The following SPEF2 variants were observed in gnomAD, a reference collection of about 807,000 sequenced individuals.
SPEF2 encodes sperm flagellar and cilia associated 2.
SPEF2 carries 187 observed loss-of-function variants against 224.6 expected under a neutral mutation model. The ratio of observed to expected loss-of-function variants is 0.83; its 90% CI spans 0.74 to 0.94. The LOEUF is 0.94. Ranked by LOEUF, SPEF2 falls within the 40% of genes least tolerant of loss-of-function variation. SPEF2 has a pLI of 0.00. For missense variants in SPEF2, 2,170 were observed against 2,135.6 expected, an observed-to-expected ratio of 1.02 and a Z score of -0.32; for synonymous variants, 715 against 707.3, an observed-to-expected ratio of 1.01 and a Z score of -0.17.
chr5:35,633,247 A>G (rs1296489313), intron 2 of SPEF2, among the ~76,000 whole-genome samples: 1 of 152,130 alleles, frequency 6.6e-6, no homozygotes, highest in Non-Finnish European at 1.5e-5. Flanking sequence ...GTCTCAAATT[A>G]TTCTTGTTGA....
At chr5:35,633,786 C>A (rs941833698) in intron 2 of SPEF2, among the ~76,000 whole-genome samples, 2 of 151,718 alleles carry the variant, frequency 1.3e-5, no homozygotes, top group African/African-American at 4.8e-5. Context: ...GAGTCATTTT[C>A]TTACTTTTCT....
At chr5:35,657,272 A>G (rs1425282319) in intron 7 of SPEF2, among the ~76,000 whole-genome samples, 1 of 152,202 alleles carries the variant, frequency 6.6e-6, no homozygotes, top group Non-Finnish European at 1.5e-5. Context: ...TGGCTGGTGA[A>G]GAGACAGCCA....
At chr5:35,625,668 C>G (rs1014522549) in intron 1 of SPEF2, among the ~76,000 whole-genome samples, 10 of 152,038 alleles carry the variant, frequency 6.6e-5, no homozygotes, top group African/African-American at 2.2e-4. Flanking sequence ...CTTTAGAAAA[C>G]TAAGGGAAGA....
Position 35,689,051 on chromosome 5 carries a change from T to C in SPEF2, c.1525-1986T>C, listed in dbSNP as rs545583434. Among the ~76,000 whole-genome samples, 83 of 152,284 alleles carry C rather than the reference T, an allele frequency of 5.5e-4. 1 individual carries two copies. The highest frequency in any genetic ancestry group is 3.1e-3 in the South Asian group (15 of 4,824). On this transcript the variant is annotated intron_variant, in intron 10 of 36. Transcript: ENST00000356031. ...AAATAAACAGGAAAGCTTTCTATCT[T>C]CTTCTGTACTCTAGAAGACTTTTAA... is the stretch of plus-strand genomic sequence containing the variant.
intron 34 of SPEF2, among the ~76,000 whole-genome samples, chr5:35,801,286 C>G (rs142431851): frequency 6.6e-6 from 1 of 152,250 alleles, no homozygotes; most frequent in East Asian, 1.9e-4. Flanking sequence ...GAGGCCAAGG[C>G]GGGTGGCTCA....
intron 2 of SPEF2, among the ~76,000 whole-genome samples, chr5:35,640,627 C>T (rs925827006): frequency 6.6e-6 from 1 of 152,152 alleles, no homozygotes; most frequent in African/African-American, 2.4e-5. Context: ...TTGTAGCATG[C>T]ATTATCTCTT....
chr5:35,709,096 T>TCCCATCCATCATC lies in SPEF2; in HGVS notation c.2814_2815insCCCATCCATCATC (p.Thr939ProfsTer18). 6.2e-7 allele frequency: 1 copy of TCCCATCCATCATC among 1,612,628 alleles called. No homozygotes were observed. The highest frequency in any genetic ancestry group is 1.7e-4 in the Middle Eastern group (1 of 6,058). On this transcript the variant is annotated frameshift_variant, in exon 19 of 37. Coordinates refer to ENST00000356031, the MANE Select transcript of SPEF2 (RefSeq NM_024867.4). LOFTEE classifies it high-confidence loss of function. ...AAAGCCATGTGGCTTCAAAAACTCC[T>TCCCATCCATCATC]ACTGCAAAAGGAAAACCTCAATCAG...
chr5:35,659,651 T>C (rs1248239991), intron 8 of SPEF2, among the ~76,000 whole-genome samples: 1 of 152,194 alleles, frequency 6.6e-6, no homozygotes, highest in Non-Finnish European at 1.5e-5. Context: ...CTTAAATATG[T>C]CACTCTGTTT....
intron 2 of SPEF2, 105 bp from the exon 3 acceptor site, chr5:35,641,326 C>T: frequency 1.5e-6 from 2 of 1,294,956 alleles, no homozygotes; most frequent in Non-Finnish European, 2.1e-6. Context: ...GCTAAAAGGA[C>T]ATGAAATAAT....
chr5:35,618,764 C>T (rs1019038012), intron 1 of SPEF2, among the ~76,000 whole-genome samples: 1 of 152,100 alleles, frequency 6.6e-6, no homozygotes, highest in African/African-American at 2.4e-5. Context: ...CAGTTGCCAC[C>T]CAAAGTTTCC....
chr5:35,654,779 T>C, intron 7 of SPEF2, 53 bp downstream of exon 7: 1 of 1,493,480 alleles, frequency 6.7e-7, no homozygotes, highest in Non-Finnish European at 9.1e-7. Flanking sequence ...CTACAAAATG[T>C]AGTCTTCTAT....
In SPEF2 at chr5:35,805,960, T is replaced by C. The variant is rs144433817; in HGVS notation, c.5011-747T>C. ...ACCATTCCCCCATTTTTTGGAATCT[T>C]AGGTTTTCTATTTTTGCTGTAACAC... On this transcript the variant is annotated intron_variant, in intron 34 of 36. Transcript: ENST00000356031. Among the ~76,000 whole-genome samples, 729 of 152,310 alleles carry C rather than the reference T, an allele frequency of 4.8e-3. 23 individuals are homozygous for C. Among genetic ancestry groups the C allele is most frequent in the Admixed American group, 0.036 (544 of 15,292 alleles).
chr5:35,768,198 A>G (rs1415883902), intron 26 of SPEF2, among the ~76,000 whole-genome samples: 1 of 152,138 alleles, frequency 6.6e-6, no homozygotes, highest in African/African-American at 2.4e-5. Context: ...TGCTGCTGCT[A>G]TGCTGATGAT....
At chr5:35,646,522 CACAGT>C (rs1747388007) in intron 4 of SPEF2, 140 bp from the exon 5 acceptor site, 3 of 639,018 alleles carry the variant, frequency 4.7e-6, no homozygotes, top group Non-Finnish European at 7.8e-6. Context: ...CTTAATATTA[CACAGT>C]TGTGACACCT....
chr5:35,753,158 A>G (rs530119687), intron 23 of SPEF2, among the ~76,000 whole-genome samples: 1 of 152,102 alleles, frequency 6.6e-6, no homozygotes, highest in East Asian at 1.9e-4. Context: ...ACCCCATTAA[A>G]CTCAGACAAC....
intron 1 of SPEF2, among the ~76,000 whole-genome samples, chr5:35,624,064 C>T (rs776532825): frequency 6.6e-6 from 1 of 152,218 alleles, no homozygotes; most frequent in African/African-American, 2.4e-5. Flanking sequence ...CTCTCCTTAT[C>T]ACCATGTGGA....
chr5:35,688,219 A>G (rs1003293810), intron 10 of SPEF2, among the ~76,000 whole-genome samples: 1 of 150,814 alleles, frequency 6.6e-6, no homozygotes, highest in Non-Finnish European at 1.5e-5. Context: ...AGCAGCCACT[A>G]TTACTTCTAG....
Position 35,708,920 on chromosome 5 carries a change from A to C in SPEF2, c.2666-28A>C, listed in dbSNP as rs752453683. ...TAGTAGATTTCTAGAGTCTCTAATG[A>C]AGGTCAATTCTTATCATCCTTTTGA... On this transcript the variant is annotated intron_variant, in intron 18 of 36. Coordinates refer to ENST00000356031, the MANE Select transcript of SPEF2 (RefSeq NM_024867.4). 19 of 1,580,574 alleles carry C rather than the reference A, an allele frequency of 1.2e-5. No individual in the cohort carries two copies. In the South Asian group the frequency reaches 2.2e-4, roughly 18 times the overall value.
chr5:35,793,754 AC>A (rs1378422976), intron 32 of SPEF2, among the ~76,000 whole-genome samples: 2 of 131,370 alleles, frequency 1.5e-5, no homozygotes, highest in African/African-American at 5.2e-5. Context: ...ACACACACAC[AC>A]ACACACACAC....
Sources: allele counts gnomAD v4.1 joint callset (sites outside exome capture counted in the v4.1 genomes callset), GRCh38; gene constraint gnomAD v4.1.1; transcripts MANE v1.5; gene names NCBI Gene and HGNC (gene_info 2026-07-23, HGNC 2026-07-21).